Variants in MYH10 observed in about 807,000 individuals in gnomAD.
The protein encoded by MYH10 is myosin-10.
A neutral mutation model predicts 257.8 loss-of-function variants in MYH10; 55 were observed. The ratio of observed to expected loss-of-function variants is 0.21; its 90% CI spans 0.17 to 0.27. MYH10 has a LOEUF of 0.27. Among genes scored for constraint, MYH10 ranks in the 10% least tolerant of loss-of-function variants. The pLI is 1.00. For missense variants in MYH10, 1,631 were observed against 2,500.6 expected, an observed-to-expected ratio of 0.65 and a Z score of 7.42; for synonymous variants, 854 against 921.7, an observed-to-expected ratio of 0.93 and a Z score of 1.33.
intron 17 of MYH10, among the ~76,000 whole-genome samples, chr17:8,521,792 C>A (rs2081663470): frequency 6.6e-6 from 1 of 152,136 alleles, no homozygotes; most frequent in African/African-American, 2.4e-5. Flanking sequence ...AAAAGTCATT[C>A]AAGTTTTAGG....
At chr17:8,611,074 A>G (rs1434410656) in intron 2 of MYH10, among the ~76,000 whole-genome samples, 1 of 152,232 alleles carries the variant, frequency 6.6e-6, no homozygotes, top group Non-Finnish European at 1.5e-5. Flanking sequence ...TCAGCAGCAC[A>G]AAAGTCTAAG....
At chr17:8,501,935 C>T (rs1438681411) in intron 28 of MYH10, among the ~76,000 whole-genome samples, 2 of 152,248 alleles carry the variant, frequency 1.3e-5, no homozygotes, top group South Asian at 4.2e-4. Context: ...CTTCTCATGG[C>T]GAGTCCCTCT....
At position 8,511,557 on chromosome 17, in the gene MYH10, C is replaced by T. The variant is rs56757673; in HGVS notation, c.2952+894G>A. Among the ~76,000 whole-genome samples the T allele has an allele frequency of 6.2e-3, 945 of 152,198 alleles. 12 individuals carry two copies. Among genetic ancestry groups the T allele is most frequent in the African/African-American group, 0.022 (912 of 41,530 alleles). Reference sequence around the variant, plus strand: ...AAAAAACAAAAACAAAAACAAACCCCAAAAAACCAAAACTAGGGTTGTACA... The same window carrying T: ...AAAAAACAAAAACAAAAACAAACCCTAAAAAACCAAAACTAGGGTTGTACA... On this transcript the variant is annotated intron_variant, in intron 24 of 42. Coordinates refer to ENST00000360416, the MANE Select transcript of MYH10 (RefSeq NM_001256012.3).
At position 8,478,391 on chromosome 17, in the gene MYH10, T is replaced by C. The variant is rs150611071; in HGVS notation, c.5653A>G (p.Ile1885Val). 1 of 1,614,196 alleles carries C rather than the reference T, an allele frequency of 6.2e-7. No homozygotes were observed. The highest frequency in any genetic ancestry group is 8.5e-7 in the Non-Finnish European group (1 of 1,180,020). Reference sequence around the variant, plus strand: ...CGCTCATCCTCAACCTGCATGAAGATTTCTTTCAGCTTCTTCTCAGTGCGA... The same window carrying C: ...CGCTCATCCTCAACCTGCATGAAGACTTCTTTCAGCTTCTTCTCAGTGCGA... ...VRRTEKKLKE[I>V]FMQVEDERRH... The change falls in exon 41 of 43, where the codon ATC becomes GTC. Residue 1885 changes from isoleucine (I) to valine (V), a missense_variant. Physicochemically the swap from Ile to Val is conservative, Grantham distance 29. Coordinates refer to ENST00000360416, the MANE Select transcript of MYH10 (RefSeq NM_001256012.3).
chr17:8,527,348 TG>T (rs2151915693), intron 17 of MYH10, among the ~76,000 whole-genome samples: 1 of 152,352 alleles, frequency 6.6e-6, no homozygotes, highest in South Asian at 2.1e-4. Flanking sequence ...CAAACTTGAA[TG>T]TCTCCCTTAT....
At position 8,508,528 on chromosome 17, in the gene MYH10, T is replaced by C. The variant is rs761198356; in HGVS notation, c.3214+26A>G. ...CTAAACACTCACATGTCCTAGTCCC[T>C]GATTTCTCTAGCCCCAAATACTAAC... On this transcript the variant is annotated intron_variant, in intron 26 of 42. Transcript: ENST00000360416. 1.9e-5 allele frequency: 31 copies of C among 1,613,780 alleles called. 1 individual carries two copies. The South Asian group carries it at 3.2e-4, about 17-fold the overall frequency.
At position 8,475,809 on chromosome 17, in the gene MYH10, C is replaced by A. The variant is rs756363491; in HGVS notation, c.6019G>T (p.Glu2007Ter). The A allele has an allele frequency of 1.2e-6, 2 of 1,613,986 alleles. No homozygotes were observed. Among genetic ancestry groups the A allele is most frequent in the Non-Finnish European group, 1.7e-6 (2 of 1,179,888 alleles). ...TCCTCTGGCTTCCTGCAACTTTACTCTGACTGGGGTGGCTGCGTCTCGTTG... is the reference window on the plus strand; with the variant it reads ...TCCTCTGGCTTCCTGCAACTTTACTATGACTGGGGTGGCTGCGTCTCGTTG... ...DVNETQPPQS[E>*] The change falls in exon 43 of 43, where the codon GAG becomes TAG. Residue 2007 changes from glutamate to a stop codon, truncating the protein, a stop_gained. Transcript: ENST00000360416. LOFTEE classifies it high-confidence loss of function.
At chr17:8,597,620 ATTT>A (rs5819201) in intron 3 of MYH10, among the ~76,000 whole-genome samples, 2 of 145,792 alleles carry the variant, frequency 1.4e-5, no homozygotes, top group Admixed American at 6.8e-5. Flanking sequence ...TAGTTTACTC[ATTT>A]TTTTTTTTTT....
chr17:8,494,462 C>T (rs1916270499), intron 31 of MYH10, among the ~76,000 whole-genome samples: 1 of 152,184 alleles, frequency 6.6e-6, no homozygotes, highest in Admixed American at 6.5e-5. Flanking sequence ...CCAGGCCGCA[C>T]CTTGTCATGC....
rs926345054 is a variant in MYH10, at chr17:8,561,001, A to AT, written c.757-6984dup. 1.1e-5 allele frequency: 6 copies of AT among 525,802 alleles called. No individual in the cohort carries two copies. In the African/African-American group the frequency reaches 1.1e-4, roughly 10 times the overall value. 32.6% of individuals were successfully genotyped at this position (525,802 alleles called of 1,614,324 possible). On this transcript the variant is annotated intron_variant, in intron 7 of 42. Transcript: ENST00000360416. Reference sequence around the variant, plus strand: ...TGTGTTTGATCTTAACCACCAAATCATTCTTTCTGTAGCTCAGGAGAGCAT... The same window carrying AT: ...TGTGTTTGATCTTAACCACCAAATCATTTCTTTCTGTAGCTCAGGAGAGCAT...
At chr17:8,494,234 G>A (rs1208437196) in intron 31 of MYH10, among the ~76,000 whole-genome samples, 2 of 150,022 alleles carry the variant, frequency 1.3e-5, no homozygotes, top group East Asian at 2.0e-4. Context: ...CCCCTGCCCC[G>A]TCTTAGTTCA....
chr17:8,626,069 A>G (rs1388144480), intron 1 of MYH10, among the ~76,000 whole-genome samples: 1 of 152,250 alleles, frequency 6.6e-6, no homozygotes, highest in Non-Finnish European at 1.5e-5. Context: ...TGTTATTAAA[A>G]CTTCTATACA....
intron 17 of MYH10, among the ~76,000 whole-genome samples, chr17:8,528,675 C>T (rs1247625343): frequency 1.3e-5 from 2 of 152,174 alleles, no homozygotes; most frequent in Admixed American, 6.5e-5. Flanking sequence ...CAGCACGTCA[C>T]AGGCAATCAC....
chr17:8,507,774 C>T (rs1261146617), intron 26 of MYH10, among the ~76,000 whole-genome samples: 2 of 152,152 alleles, frequency 1.3e-5, no homozygotes, highest in Non-Finnish European at 2.9e-5. Context: ...GAGTTTGAGA[C>T]CAGCCTGACC....
At chr17:8,479,404 GTAGA>G (rs1477238277) in intron 40 of MYH10, among the ~76,000 whole-genome samples, 1 of 152,196 alleles carries the variant, frequency 6.6e-6, no homozygotes, top group Non-Finnish European at 1.5e-5. Context: ...TTATGCAAAA[GTAGA>G]TAGAGACAGT....
chr17:8,476,163 G>C (rs1731959717), intron 42 of MYH10, among the ~76,000 whole-genome samples: 1 of 152,248 alleles, frequency 6.6e-6, no homozygotes. Context: ...GGTCCTTGGA[G>C]AACTGGGGAG....
At chr17:8,480,903 T>A (rs1354661602) in intron 38 of MYH10, among the ~76,000 whole-genome samples, 1 of 14,062 alleles carries the variant, frequency 7.1e-5, no homozygotes, top group Non-Finnish European at 2.1e-4. Flanking sequence ...GAGAATCAAA[T>A]TCTAACTACT....
chr17:8,503,981 CAGTGATG>C (rs922216560), intron 28 of MYH10, among the ~76,000 whole-genome samples: 1 of 152,166 alleles, frequency 6.6e-6, no homozygotes, highest in African/African-American at 2.4e-5. Flanking sequence ...CTGCTCTCCA[CAGTGATG>C]ACACCTATGA....
Position 8,623,259 on chromosome 17 carries a change from G to T in MYH10, c.-13C>A. 6.4e-7 allele frequency: 1 copy of T among 1,558,844 alleles called. No homozygotes were observed. The highest frequency in any genetic ancestry group is 1.2e-5 in the South Asian group (1 of 83,698). ...TTCTCTGCGCCATTGTAAATGGAAC[G>T]ATCCAAAAGCAATTGCCTCTAAGAG... On this transcript the variant is annotated 5_prime_UTR_variant, in exon 2 of 43. Coordinates refer to ENST00000360416, the MANE Select transcript of MYH10 (RefSeq NM_001256012.3).
Sources: allele counts gnomAD v4.1 joint callset (sites outside exome capture counted in the v4.1 genomes callset), GRCh38; gene constraint gnomAD v4.1.1; transcripts MANE v1.5; gene names NCBI Gene and HGNC (gene_info 2026-07-23, HGNC 2026-07-21).